EVI2B: variants seen among roughly 807,000 people sequenced by gnomAD.
EVI2B encodes the protein ecotropic viral integration site 2B, also known as protein EVI2B.
Under a neutral mutation model 6.6 loss-of-function variants are expected in EVI2B, and 4 were observed. The observed-to-expected ratio is 0.61, with a 90% CI of 0.30 to 1.39. EVI2B has a LOEUF of 1.39. EVI2B is among the 40% of genes most tolerant of loss of function. EVI2B has a pLI of 0.08. For synonymous variants in EVI2B, 181 were observed against 186.8 expected (o/e 0.97, Z 0.25); for missense variants, 484 against 516.6 (o/e 0.94, Z 0.61).
rs755209854 is a variant in EVI2B, at chr17:31,304,676, G to T, written c.934C>A (p.Gln312Lys). The change falls in exon 2 of 2, where the codon CAA becomes AAA. Residue 312 changes from glutamine to lysine, a missense_variant. Physicochemically the swap from Gln to Lys is moderately conservative, Grantham distance 53 (BLOSUM62 1). Coordinates refer to ENST00000330927, the MANE Select transcript of EVI2B (RefSeq NM_006495.4). ...NNPKTEKIKDQVNGTSEDSAD... is the reference protein window; with the variant it reads ...NNPKTEKIKDKVNGTSEDSAD... ...CTATCTTCTGATGTACCATTTACTT[G>T]ATCTTTTATTTTCTCTGTTTTGGGG... is the stretch of plus-strand genomic sequence containing the variant. 6.2e-7 allele frequency: 1 copy of T among 1,614,080 alleles called. No homozygotes were observed. Among genetic ancestry groups the T allele is most frequent in the Non-Finnish European group, 8.5e-7 (1 of 1,180,008 alleles).
chr17:31,305,743 A>G, intron 1 of EVI2B, 113 bp from the exon 2 acceptor site: 1 of 857,540 alleles, frequency 1.2e-6, no homozygotes, highest in Non-Finnish European at 1.8e-6. Flanking sequence ...ATTATTCCTA[A>G]TTAGTAGTAG....
intron 1 of EVI2B, chr17:31,307,841 G>C (rs973381291): frequency 8.1e-7 from 1 of 1,238,080 alleles, no homozygotes; most frequent in Middle Eastern, 2.3e-4. Context: ...TATTTAGAGA[G>C]ATTTGATGTT....
rs2068641593 is a variant in EVI2B at position 31,304,103 on chromosome 17, A to C, written c.*160T>G. 6 of 631,798 alleles carry C rather than the reference A, an allele frequency of 9.5e-6. No individual in the cohort carries two copies. The allele number at this position is 631,798 out of a possible 1,614,324, so 39.1% of individuals were successfully genotyped here. A position where few individuals can be genotyped will look rare whatever the true frequency, so the allele number is the denominator to read the frequency against. On this transcript the variant is annotated 3_prime_UTR_variant, in exon 2 of 2. Transcript: ENST00000330927. Reference sequence around the variant, plus strand: ...ATTACTGTTAAATAACTTTTTTTAAAAAAAAGTTTCATCTATGCACATAGG... The same window carrying C: ...ATTACTGTTAAATAACTTTTTTTAACAAAAAGTTTCATCTATGCACATAGG...
chr17:31,313,952 A>C, intron 1 of EVI2B, 27 bp downstream of exon 1: 1 of 397,960 alleles, frequency 2.5e-6, no homozygotes, highest in Non-Finnish European at 4.4e-6. Context: ...AGCAAGATCA[A>C]ACCAAATTGT....
intron 1 of EVI2B, among the ~76,000 whole-genome samples, chr17:31,308,770 A>G (rs1199977810): frequency 6.6e-6 from 1 of 152,074 alleles, no homozygotes; most frequent in African/African-American, 2.4e-5. Flanking sequence ...TACAGCCCAA[A>G]CAGATCAGTC....
At position 31,305,189 on chromosome 17, in the gene EVI2B, A is replaced by G. The variant is rs2068681311; in HGVS notation, c.421T>C (p.Ser141Pro). ...TGTTGAGTAAAAGTATAGACAAATG[A>G]CTTTGGTGGTTGTGTGGTAGAAGTA... is the stretch of plus-strand genomic sequence containing the variant. ...ARTSTTQPPK[S>P]FVYTFTQQSS... Residue 141 changes from serine to proline, a missense_variant, in exon 2 of 2, where the codon TCA becomes CCA. Transcript: ENST00000330927. The G allele has an allele frequency of 6.2e-7, 1 of 1,613,976 alleles. No homozygotes were observed. The highest frequency in any genetic ancestry group is 1.7e-5 in the Admixed American group (1 of 59,998).
At chr17:31,310,060 T>A (rs1475311577) in intron 1 of EVI2B, among the ~76,000 whole-genome samples, 1 of 152,100 alleles carries the variant, frequency 6.6e-6, no homozygotes, top group Non-Finnish European at 1.5e-5. Context: ...AAAAACTGAC[T>A]TTTTTCCCAG....
At chr17:31,310,897 G>A (rs1183381597) in intron 1 of EVI2B, among the ~76,000 whole-genome samples, 1 of 149,964 alleles carries the variant, frequency 6.7e-6, no homozygotes, top group Non-Finnish European at 1.5e-5. Context: ...ACATTTTAAA[G>A]ACAGTTACAG....
intron 1 of EVI2B, chr17:31,307,821 C>G (rs1014808714): frequency 9.1e-7 from 1 of 1,100,734 alleles, no homozygotes; most frequent in African/African-American, 1.6e-5. Flanking sequence ...TCTTCTGACT[C>G]ATAAGCCTAT....
rs2068662966 is a variant in EVI2B at position 31,304,770 on chromosome 17, G to T, written c.840C>A (p.Ser280Arg). Residue 280 changes from serine (S) to arginine (R), a missense_variant, in exon 2 of 2, where the codon AGC (serine) becomes AGA (arginine). Coordinates refer to ENST00000330927, the MANE Select transcript of EVI2B (RefSeq NM_006495.4). Reference protein sequence around the residue: ...ISLTPWKPSKSTLLADDLEIK... With the variant: ...ISLTPWKPSKRTLLADDLEIK... ...TTTCTAAGTCATCTGCTAAAAGTGT[G>T]CTTTTGCTTGGTTTCCAGGGTGTAA... is the stretch of plus-strand genomic sequence containing the variant. 6.2e-7 allele frequency: 1 copy of T among 1,614,068 alleles called. No individual in the cohort carries two copies. The highest frequency in any genetic ancestry group is 8.5e-7 in the Non-Finnish European group (1 of 1,179,996).
chr17:31,304,938 A>G lies in EVI2B; in HGVS notation c.672T>C (p.Leu224=), dbSNP rs1216376566. ...AAACTGGTTTCCTTAAGCATTTCCA[A>G]AGTACAATGATGATTATAGCTACCA... is the stretch of plus-strand genomic sequence containing the variant. ...SMLVAIIIIV[L]WKCLRKPVLN... The change falls in exon 2 of 2, where the codon CTT becomes CTC. Residue 224 remains leucine, a synonymous_variant. Transcript: ENST00000330927. 2.5e-6 allele frequency: 4 copies of G among 1,614,034 alleles called. No homozygotes were observed. Among genetic ancestry groups the G allele is most frequent in the Non-Finnish European group, 3.4e-6 (4 of 1,180,040 alleles).
intron 1 of EVI2B, among the ~76,000 whole-genome samples, chr17:31,312,518 CAA>C (rs951056099): frequency 5.5e-4 from 33 of 60,118 alleles, no homozygotes; most frequent in Middle Eastern, 0.011. Context: ...GACTCCATCT[CAA>C]AAAAAAAAAA....
chr17:31,310,086 C>T lies in EVI2B; in HGVS notation c.-22+3893G>A, dbSNP rs868581221. 3.3e-5 allele frequency among the ~76,000 whole-genome samples: 5 copies of T among 152,052 alleles called. No individual in the cohort carries two copies. The South Asian group carries it at 1.0e-3, about 32-fold the overall frequency. ...TTTTTCCCAGCGGTAATGAGGCCAG[C>T]GTTACTACCAGTGTGGAAGGTTATT... On this transcript the variant is annotated intron_variant, in intron 1 of 1. Transcript: ENST00000330927.
In EVI2B at chr17:31,305,320, G is replaced by A. The variant is rs1485077087; in HGVS notation, c.290C>T (p.Ser97Phe). Residue 97 changes from serine (S) to phenylalanine (F), a missense_variant, in exon 2 of 2, where the codon TCT becomes TTT. Coordinates refer to ENST00000330927, the MANE Select transcript of EVI2B (RefSeq NM_006495.4). ...GTTGTAGGCAAGTGGTTGTCCAGCA[G>A]AAGTATGTGCTTCTGGTTTTTCAGA... is the stretch of plus-strand genomic sequence containing the variant. ...TSSEKPEAHT[S>F]AGQPLAYNTK... The A allele has an allele frequency of 6.2e-7, 1 of 1,614,190 alleles. No homozygotes were observed. The highest frequency in any genetic ancestry group is 1.1e-5 in the South Asian group (1 of 91,080).
intron 1 of EVI2B, among the ~76,000 whole-genome samples, chr17:31,306,307 C>T (rs934492904): frequency 1.3e-5 from 2 of 152,066 alleles, no homozygotes; most frequent in Admixed American, 1.3e-4. Context: ...CTTTATGCCA[C>T]AATTCCTAAA....
At chr17:31,306,405 GATAGAC>G (rs1597802737) in intron 1 of EVI2B, among the ~76,000 whole-genome samples, 1 of 152,006 alleles carries the variant, frequency 6.6e-6, no homozygotes, top group East Asian at 1.9e-4. Flanking sequence ...TATATAGATA[GATAGAC>G]ATAGATATAG....
At chr17:31,309,990 T>C (rs2151515401) in intron 1 of EVI2B, among the ~76,000 whole-genome samples, 1 of 152,324 alleles carries the variant, frequency 6.6e-6, no homozygotes, top group Middle Eastern at 3.4e-3. Flanking sequence ...CAATTCAGTG[T>C]AGTCCAGAGA....
intron 1 of EVI2B, among the ~76,000 whole-genome samples, chr17:31,311,133 T>G (rs1310385847): frequency 6.6e-6 from 1 of 152,018 alleles, no homozygotes; most frequent in African/African-American, 2.4e-5. Context: ...TTGTATTTTT[T>G]GTAGACATGG....
chr17:31,312,107 A>G (rs528659582), intron 1 of EVI2B, among the ~76,000 whole-genome samples: 2 of 152,198 alleles, frequency 1.3e-5, no homozygotes, highest in South Asian at 2.1e-4. Flanking sequence ...ATGTTTCTCA[A>G]TTCAAACTTA....
Sources: gnomAD v4.1 joint callset for allele counts (sites outside exome capture counted in the v4.1 genomes callset) on GRCh38, gnomAD v4.1.1 for gene constraint, MANE v1.5 for transcripts, NCBI Gene and HGNC (gene_info 2026-07-23, HGNC 2026-07-21) for gene names.